THADA: variants seen among roughly 807,000 people sequenced by gnomAD.
THADA encodes the protein tRNA (32-2'-O)-methyltransferase regulator THADA.
THADA carries 213 observed loss-of-function variants against 219.8 expected under a neutral mutation model. That is an observed-to-expected ratio of 0.97 (90% CI 0.87 to 1.09). The LOEUF (loss-of-function observed/expected upper bound fraction) is 1.09, where lower values mean the gene tolerates loss of function less well. THADA is among the 50% of genes least tolerant of loss of function. The pLI, the probability that THADA is intolerant of heterozygous loss-of-function variation, is 0.00. For missense variants in THADA, 2,956 were observed against 2,311.3 expected (o/e 1.28, Z -5.72); for synonymous variants, 1,018 against 828.9 (o/e 1.23, Z -3.92).
chr2:43,523,931 G>C (rs767773274), intron 22 of THADA, among the ~76,000 whole-genome samples: 1 of 152,014 alleles, frequency 6.6e-6, no homozygotes, highest in Non-Finnish European at 1.5e-5. Flanking sequence ...ATTAAAGTTG[G>C]ATTCCCAACT....
chr2:43,514,647 T>A lies in THADA; in HGVS notation c.3375-5867A>T, dbSNP rs1415627994. On this transcript the variant is annotated intron_variant, in intron 22 of 37. Transcript: ENST00000405975. ...ATATATATGTATATTTTATATATAA[T>A]ATATATATTGTATATAATAATATAT... Among the ~76,000 whole-genome samples, 166 of 82,890 alleles carry A rather than the reference T, an allele frequency of 2.0e-3. 16 individuals carry two copies. Among genetic ancestry groups the A allele is most frequent in the South Asian group, 6.0e-3 (19 of 3,154 alleles). The allele number at this position is 82,890 out of a possible 152,430, so 54.4% of individuals were successfully genotyped here.
In THADA at chr2:43,578,513, C is replaced by T. The variant is rs1288288757; in HGVS notation, c.816G>A (p.Leu272=). ...AATTCTAAAAAGGAGATGCACTTAC[C>T]AAATGAGGAATCTTTTCAGACGGGT... The part of the protein sequence containing the change: ...MFHPSEKIPH[L]ISSVLLRSVD... The change falls in exon 9 of 38, where the codon TTG becomes TTA. Residue 272 remains leucine, a splice_region_variant and synonymous_variant. Transcript: ENST00000405975. 4.4e-6 allele frequency: 7 copies of T among 1,604,214 alleles called. No homozygotes were observed. Among genetic ancestry groups the T allele is most frequent in the Non-Finnish European group, 5.1e-6 (6 of 1,172,374 alleles).
chr2:43,500,528 C>G (rs2105066887), intron 24 of THADA, among the ~76,000 whole-genome samples: 1 of 152,204 alleles, frequency 6.6e-6, no homozygotes, highest in Non-Finnish European at 1.5e-5. Flanking sequence ...ATTGAAAAAT[C>G]AATACAATTC....
intron 26 of THADA, among the ~76,000 whole-genome samples, chr2:43,481,492 A>G (rs1190319815): frequency 2.0e-5 from 3 of 152,118 alleles, no homozygotes; most frequent in Admixed American, 2.0e-4. Flanking sequence ...CCCCAAATCT[A>G]CTCATTTCCC....
At chr2:43,403,109 G>A (rs1329183895) in intron 28 of THADA, among the ~76,000 whole-genome samples, 2 of 152,206 alleles carry the variant, frequency 1.3e-5, no homozygotes, top group Non-Finnish European at 2.9e-5. Flanking sequence ...AGAGTGAGGT[G>A]TCCCAGCATA....
intron 28 of THADA, among the ~76,000 whole-genome samples, chr2:43,410,253 G>A (rs762931013): frequency 9.2e-5 from 14 of 152,170 alleles, no homozygotes; most frequent in South Asian, 2.1e-4. Context: ...CCAAGTGTTG[G>A]CTAGGATATG....
chr2:43,310,208 T>TC (rs1677328686), intron 31 of THADA, among the ~76,000 whole-genome samples: 3 of 27,232 alleles, frequency 1.1e-4, no homozygotes, highest in Admixed American at 3.1e-4. Flanking sequence ...CCTCCCTCCC[T>TC]CCCTCCCTCC....
rs535942365 is a variant in THADA, at chr2:43,537,360, T to C, written c.3264+3799A>G. ...TGACGTCACAGAACCACATACTATG[T>C]ACTTCTTTATTTTCCCACGATATCC... On this transcript the variant is annotated intron_variant, in intron 21 of 37. Coordinates refer to ENST00000405975, the MANE Select transcript of THADA (RefSeq NM_022065.5). Among the ~76,000 whole-genome samples, 3 of 152,332 alleles carry C rather than the reference T, an allele frequency of 2.0e-5. No homozygotes were observed. The East Asian group carries it at 5.8e-4, about 29-fold the overall frequency.
intron 36 of THADA, among the ~76,000 whole-genome samples, chr2:43,246,924 C>T (rs901077788): frequency 3.3e-5 from 5 of 152,136 alleles, no homozygotes; most frequent in Non-Finnish European, 7.3e-5. Context: ...GGGAGAGGTC[C>T]ACAGAAAACC....
chr2:43,339,348 T>C (rs1178059078), intron 30 of THADA, among the ~76,000 whole-genome samples: 1 of 152,252 alleles, frequency 6.6e-6, no homozygotes, highest in Non-Finnish European at 1.5e-5. Flanking sequence ...TGGCATGATC[T>C]CAGCTCACTG....
At chr2:43,285,234 G>C (rs1673849233) in intron 35 of THADA, among the ~76,000 whole-genome samples, 1 of 152,236 alleles carries the variant, frequency 6.6e-6, no homozygotes, top group Non-Finnish European at 1.5e-5. Flanking sequence ...GGGGCAAAAT[G>C]ATATGATCTG....
intron 36 of THADA, among the ~76,000 whole-genome samples, chr2:43,261,881 C>T (rs930492423): frequency 3.3e-5 from 5 of 152,184 alleles, no homozygotes; most frequent in Non-Finnish European, 7.3e-5. Flanking sequence ...AGGTGATCCA[C>T]TCGCCTCGGC....
intron 36 of THADA, among the ~76,000 whole-genome samples, chr2:43,236,996 C>T (rs1438627351): frequency 4.7e-5 from 7 of 148,000 alleles, no homozygotes; most frequent in South Asian, 4.4e-4. Flanking sequence ...GGCGTGAACC[C>T]GGGAGGCGGA....
At chr2:43,544,089 T>C (rs1190604495) in intron 20 of THADA, among the ~76,000 whole-genome samples, 1 of 152,206 alleles carries the variant, frequency 6.6e-6, no homozygotes, top group Admixed American at 6.5e-5. Context: ...TTTCTACATA[T>C]GGCTAGCCTG....
At chr2:43,395,134 C>T (rs2104704815) in intron 29 of THADA, among the ~76,000 whole-genome samples, 1 of 152,258 alleles carries the variant, frequency 6.6e-6, no homozygotes, top group Non-Finnish European at 1.5e-5. Context: ...GGTGAGAGAG[C>T]CCAAGAAGCA....
intron 22 of THADA, among the ~76,000 whole-genome samples, chr2:43,515,123 T>C (rs1183984814): frequency 5.6e-5 from 1 of 17,852 alleles, no homozygotes; most frequent in East Asian, 2.8e-3. Context: ...ATATATAATA[T>C]ATTTTATATA....
At chr2:43,297,694 C>A (rs1572965339) in intron 31 of THADA, among the ~76,000 whole-genome samples, 1 of 123,154 alleles carries the variant, frequency 8.1e-6, no homozygotes, top group South Asian at 2.6e-4. Context: ...GCCCCTCAGC[C>A]CGGCCAGCCA....
intron 36 of THADA, among the ~76,000 whole-genome samples, chr2:43,264,021 T>C (rs955591050): frequency 1.3e-5 from 2 of 152,124 alleles, no homozygotes; most frequent in Non-Finnish European, 2.9e-5. Flanking sequence ...GAGACTGAAA[T>C]TATTTTCCTC....
At chr2:43,520,005 A>C (rs1433711116) in intron 22 of THADA, among the ~76,000 whole-genome samples, 5 of 152,240 alleles carry the variant, frequency 3.3e-5, no homozygotes, top group African/African-American at 1.2e-4. Flanking sequence ...ATTGAGAGGT[A>C]AAAATGAAAC....
Sources: allele counts gnomAD v4.1 joint callset (sites outside exome capture counted in the v4.1 genomes callset), GRCh38; gene constraint gnomAD v4.1.1; transcripts MANE v1.5; gene names NCBI Gene and HGNC (gene_info 2026-07-23, HGNC 2026-07-21).